HGH1: variants seen among roughly 807,000 people sequenced by gnomAD.
The protein encoded by HGH1 is HGH1 cochaperone.
A neutral mutation model predicts 31.7 loss-of-function variants in HGH1; 31 were observed. The observed-to-expected ratio is 0.98, with a 90% CI of 0.73 to 1.32. The LOEUF (loss-of-function observed/expected upper bound fraction) is 1.32, where lower values mean the gene tolerates loss of function less well. HGH1 is among the 40% of genes most tolerant of loss of function. The probability of loss-of-function intolerance (pLI) is 0.00; values close to 1 mark genes in which losing one functional copy is unlikely to be tolerated. For missense variants in HGH1, 618 were observed against 594.4 expected (o/e 1.04, Z -0.41); for synonymous variants, 284 against 293.6 (o/e 0.97, Z 0.34).
Position 144,138,019 on chromosome 8 carries a change from G to T in HGH1, c.184G>T (p.Ala62Ser). Residue 62 changes from alanine (A) to serine (S), a missense_variant, in exon 1 of 6, where the codon GCG becomes TCG. Transcript: ENST00000347708. ...GPGRALLAGQAALLQALMELA... is the reference protein window; with the variant it reads ...GPGRALLAGQSALLQALMELA... ...CGGCCGCGCGCTGTTGGCGGGGCAG[G>T]CGGCGCTGCTGCAGGCGCTGATGGA... 1 of 1,306,990 alleles carries T rather than the reference G, an allele frequency of 7.7e-7. No homozygotes were observed. Among genetic ancestry groups the T allele is most frequent in the African/African-American group, 1.6e-5 (1 of 64,168 alleles). 81.0% of individuals were successfully genotyped at this position (1,306,990 alleles called of 1,614,324 possible).
rs1815114901 is a variant in HGH1, at chr8:144,137,848, G to A, written c.13G>A (p.Gly5Arg). Residue 5 changes from glycine to arginine, a missense_variant, in exon 1 of 6, where the codon GGG (glycine) becomes AGG (arginine). Gly to Arg is a moderately radical substitution (Grantham distance 125). Transcript: ENST00000347708. ...AGTGTCGCTCGACATGGGGGAGGCC[G>A]GGGCTGGCGCTGGCGCCTCGGGAGG... is the stretch of plus-strand genomic sequence containing the variant. Reference protein sequence around the residue: MGEAGAGAGASGGPE... With the variant: MGEARAGAGASGGPE... 2 of 1,289,694 alleles carry A rather than the reference G, an allele frequency of 1.6e-6. No homozygotes were observed. The highest frequency in any genetic ancestry group is 2.0e-6 in the Non-Finnish European group (2 of 1,020,596). The allele number at this position is 1,289,694 out of a possible 1,614,324, so 79.9% of individuals were successfully genotyped here. A position where few individuals can be genotyped will look rare whatever the true frequency, so the allele number is the denominator to read the frequency against.
chr8:144,137,868 G>T lies in HGH1; in HGVS notation c.33G>T (p.Ser11=). ...AGGCCGGGGCTGGCGCTGGCGCCTCGGGAGGGCCGGAGGCAAGCCCGGAGG... is the reference window on the plus strand; with the variant it reads ...AGGCCGGGGCTGGCGCTGGCGCCTCTGGAGGGCCGGAGGCAAGCCCGGAGG... MGEAGAGAGA[S]GGPEASPEAE... is the part of the protein sequence containing the mutation. Residue 11 remains serine (S), a synonymous_variant, in exon 1 of 6, where the codon TCG becomes TCT. Transcript: ENST00000347708. 1 of 1,296,716 alleles carries T rather than the reference G, an allele frequency of 7.7e-7. No homozygotes were observed. Among genetic ancestry groups the T allele is most frequent in the Non-Finnish European group, 9.8e-7 (1 of 1,025,148 alleles). The allele number at this position is 1,296,716 out of a possible 1,614,324, so 80.3% of individuals were successfully genotyped here. A position where few individuals can be genotyped will look rare whatever the true frequency, so the allele number is the denominator to read the frequency against.
In HGH1 at chr8:144,139,732, T is replaced by C; in HGVS notation, c.*180T>C. ...GGAGGCACTTTCCAGCCCTGTGCAG[T>C]GTTGCTACCAGCAAGAATGAAGGTT... On this transcript the variant is annotated 3_prime_UTR_variant, in exon 6 of 6. Coordinates refer to ENST00000347708, the MANE Select transcript of HGH1 (RefSeq NM_016458.4). 1.2e-6 allele frequency: 1 copy of C among 867,264 alleles called. No individual in the cohort carries two copies. Among genetic ancestry groups the C allele is most frequent in the Non-Finnish European group, 1.7e-6 (1 of 577,802 alleles). 53.7% of individuals were successfully genotyped at this position (867,264 alleles called of 1,614,324 possible).
At position 144,139,250 on chromosome 8, in the gene HGH1, G is replaced by A. The variant is rs946430620; in HGVS notation, c.947G>A (p.Arg316Gln). Residue 316 changes from arginine (R) to glutamine (Q), a missense_variant, in exon 5 of 6, where the codon CGA becomes CAA. Physicochemically the swap from Arg to Gln is conservative, Grantham distance 43. Coordinates refer to ENST00000347708, the MANE Select transcript of HGH1 (RefSeq NM_016458.4). ...GACCAGGGAGCCTACCTGATCCTTC[G>A]AGAGCTGCACAGCTGGGAGCCGGAG... Reference protein sequence around the residue: ...VRDQGAYLILRELHSWEPEPD... With the variant: ...VRDQGAYLILQELHSWEPEPD... The A allele has an allele frequency of 2.4e-5, 39 of 1,613,810 alleles. No individual in the cohort carries two copies. Among genetic ancestry groups the A allele is most frequent in the Middle Eastern group, 3.3e-4 (2 of 6,078 alleles).
chr8:144,139,003 C>T lies in HGH1; in HGVS notation c.794-6C>T, dbSNP rs1815144442. On this transcript the variant is annotated splice_polypyrimidine_tract_variant and splice_region_variant and intron_variant, in intron 3 of 5. Coordinates refer to ENST00000347708, the MANE Select transcript of HGH1 (RefSeq NM_016458.4). ...GACACAGTGGCTCCCACACACTCAC[C>T]CCTAGGGCTGCCTGTCGACTTGCAG... The T allele has an allele frequency of 2.5e-6, 4 of 1,613,108 alleles. No individual in the cohort carries two copies. Among genetic ancestry groups the T allele is most frequent in the South Asian group, 2.2e-5 (2 of 90,986 alleles).
At position 144,138,615 on chromosome 8, in the gene HGH1, G is replaced by A; in HGVS notation, c.694+8G>A. On this transcript the variant is annotated splice_region_variant and intron_variant, in intron 2 of 5. Coordinates refer to ENST00000347708, the MANE Select transcript of HGH1 (RefSeq NM_016458.4). ...ATTGCTGCTTCGAGCACCGTGAGTG[G>A]TGGGTGTGGCGGGGGTGCGTTGCCA... 1.2e-6 allele frequency: 2 copies of A among 1,611,882 alleles called. No individual in the cohort carries two copies. The highest frequency in any genetic ancestry group is 1.7e-6 in the Non-Finnish European group (2 of 1,179,042).
chr8:144,138,135 G>T lies in HGH1; in HGVS notation c.300G>T (p.Ala100=). 1 of 1,308,812 alleles carries T rather than the reference G, an allele frequency of 7.6e-7. No homozygotes were observed. The highest frequency in any genetic ancestry group is 9.7e-7 in the Non-Finnish European group (1 of 1,029,818). 81.1% of individuals were successfully genotyped at this position (1,308,812 alleles called of 1,614,324 possible). A position where few individuals can be genotyped will look rare whatever the true frequency, so the allele number is the denominator to read the frequency against. The change falls in exon 1 of 6, where the codon GCG becomes GCT. Residue 100 remains alanine (A), a synonymous_variant. Transcript: ENST00000347708. ...ADPGLHETLL[A]ADPGLPARLM... is the part of the protein sequence containing the mutation. ...CCGGCCTGCACGAGACATTGCTGGC[G>T]GCCGACCCCGGGCTGCCAGCGCGCC...
Position 144,138,500 on chromosome 8 carries a change from C to A in HGH1, c.594-7C>A. ...GGGGGACGGCCCTAAGTGACACCTC[C>A]CAACAGGTGCGTGGTCCAGCGGCTG... On this transcript the variant is annotated splice_region_variant and splice_polypyrimidine_tract_variant and intron_variant, in intron 1 of 5. Transcript: ENST00000347708. The A allele has an allele frequency of 1.2e-6, 2 of 1,608,188 alleles. No individual in the cohort carries two copies. Among genetic ancestry groups the A allele is most frequent in the South Asian group, 1.1e-5 (1 of 90,252 alleles).
Position 144,139,892 on chromosome 8 carries a change from G to C in HGH1, c.*340G>C. The C allele has an allele frequency of 2.2e-6, 1 of 455,516 alleles. No individual in the cohort carries two copies. The highest frequency in any genetic ancestry group is 4.0e-6 in the Non-Finnish European group (1 of 249,416). 28.2% of individuals were successfully genotyped at this position (455,516 alleles called of 1,614,324 possible). On this transcript the variant is annotated 3_prime_UTR_variant, in exon 6 of 6. Coordinates refer to ENST00000347708, the MANE Select transcript of HGH1 (RefSeq NM_016458.4). ...CGTGGGGACTGGACAGAAAACCACT[G>C]CAAGCCCCAAGGAGCCAGCTGAAGC...
rs1261170152 is a variant in HGH1 at position 144,139,492 on chromosome 8, G to A, written c.1113G>A (p.Gln371=). ...QQLQQLDCRE[Q]EQLERELAPE... is the part of the protein sequence containing the mutation. ...TGCAGCAGCTGGATTGCAGGGAGCAGGAGCAGTTGGAGCGGGAGCTGGCCC... is the reference window on the plus strand; with the variant it reads ...TGCAGCAGCTGGATTGCAGGGAGCAAGAGCAGTTGGAGCGGGAGCTGGCCC... Residue 371 remains glutamine, a synonymous_variant, in exon 6 of 6, where the codon CAG becomes CAA. Coordinates refer to ENST00000347708, the MANE Select transcript of HGH1 (RefSeq NM_016458.4). 1 of 1,568,576 alleles carries A rather than the reference G, an allele frequency of 6.4e-7. No individual in the cohort carries two copies. The highest frequency in any genetic ancestry group is 8.6e-7 in the Non-Finnish European group (1 of 1,156,904).
rs1383473735 is a variant in HGH1, at chr8:144,139,537, G to A, written c.1158G>A (p.Arg386=). 1.3e-6 allele frequency: 2 copies of A among 1,554,412 alleles called. No individual in the cohort carries two copies. The highest frequency in any genetic ancestry group is 2.7e-5 in the African/African-American group (2 of 73,402). ...RELAPEPWVE[R]ATPT is the part of the protein sequence containing the mutation. ...TGGCCCCAGAGCCATGGGTGGAGAG[G>A]GCCACACCCACCTGAGGCCCCTGCA... is the stretch of plus-strand genomic sequence containing the variant. Residue 386 remains arginine, a synonymous_variant, in exon 6 of 6, where the codon AGG becomes AGA. Transcript: ENST00000347708.
chr8:144,140,684 C>T lies in HGH1; in HGVS notation c.*1132C>T, dbSNP rs1179974254. The stretch of plus-strand genomic sequence containing the variant: ...GGGCGTCTCCCGCCTCCAGGATCTC[C>T]TCTCACCTGCCCCCATTAAAGCTCT... On this transcript the variant is annotated 3_prime_UTR_variant, in exon 6 of 6. Transcript: ENST00000347708. The T allele has an allele frequency of 6.6e-6, 1 of 152,512 alleles. No individual in the cohort carries two copies. The highest frequency in any genetic ancestry group is 1.5e-5 in the Non-Finnish European group (1 of 68,300). 9.4% of individuals were successfully genotyped at this position (152,512 alleles called of 1,614,324 possible).
chr8:144,138,804 G>T lies in HGH1; in HGVS notation c.784G>T (p.Glu262Ter). ...LAGPEDFSEE[E>*]MERLPVDLQY... ...TGGGCCTGAGGATTTCTCCGAGGAA[G>T]AGATGGAACGTGAGTGGCTAGTGTG... The change falls in exon 3 of 6, where the codon GAG (glutamate) becomes TAG (stop). Residue 262 changes from glutamate to a stop codon, truncating the protein, a stop_gained. Transcript: ENST00000347708. LOFTEE classifies it high-confidence loss of function. The T allele has an allele frequency of 6.2e-7, 1 of 1,613,984 alleles. No homozygotes were observed. Among genetic ancestry groups the T allele is most frequent in the East Asian group, 2.2e-5 (1 of 44,866 alleles).
chr8:144,138,050 C>CCGCGGCGTCGGCGTAAGGGCAGGAAG lies in HGH1; in HGVS notation c.215_216insCGCGGCGTCGGCGTAAGGGCAGGAAG (p.Pro73AlafsTer5). On this transcript the variant is annotated stop_gained and frameshift_variant, in exon 1 of 6. Transcript: ENST00000347708. LOFTEE classifies it high-confidence loss of function. The stretch of plus-strand genomic sequence containing the variant: ...CTGCTGCAGGCGCTGATGGAGCTGG[C>CCGCGGCGTCGGCGTAAGGGCAGGAAG]GCCGGCCTCTGCCCCGGCCCGGGAC... 1 of 1,309,530 alleles carries CCGCGGCGTCGGCGTAAGGGCAGGAAG rather than the reference C, an allele frequency of 7.6e-7. No homozygotes were observed. Among genetic ancestry groups the CCGCGGCGTCGGCGTAAGGGCAGGAAG allele is most frequent in the Admixed American group, 3.5e-5 (1 of 28,846 alleles). The allele number at this position is 1,309,530 out of a possible 1,614,324, so 81.1% of individuals were successfully genotyped here.
chr8:144,137,799 C>G lies in HGH1; in HGVS notation c.-37C>G. The G allele has an allele frequency of 8.1e-7, 1 of 1,234,912 alleles. No individual in the cohort carries two copies. The highest frequency in any genetic ancestry group is 1.0e-6 in the Non-Finnish European group (1 of 986,842). 76.5% of individuals were successfully genotyped at this position (1,234,912 alleles called of 1,614,324 possible). On this transcript the variant is annotated 5_prime_UTR_variant, in exon 1 of 6. Transcript: ENST00000347708. ...ACACAGCGGACCCCTAAGCGGACCGCTGGCACCGGTCGGGTGGCAGCAGAG... is the reference window on the plus strand; with the variant it reads ...ACACAGCGGACCCCTAAGCGGACCGGTGGCACCGGTCGGGTGGCAGCAGAG...
chr8:144,138,137 C>A lies in HGH1; in HGVS notation c.302C>A (p.Ala101Asp). The change falls in exon 1 of 6, where the codon GCC (alanine) becomes GAC (aspartate). Residue 101 changes from alanine (A) to aspartate (D), a missense_variant. Coordinates refer to ENST00000347708, the MANE Select transcript of HGH1 (RefSeq NM_016458.4). ...GGCCTGCACGAGACATTGCTGGCGGCCGACCCCGGGCTGCCAGCGCGCCTG... is the reference window on the plus strand; with the variant it reads ...GGCCTGCACGAGACATTGCTGGCGGACGACCCCGGGCTGCCAGCGCGCCTG... ...DPGLHETLLA[A>D]DPGLPARLMG... is the part of the protein sequence containing the mutation. 7.6e-7 allele frequency: 1 copy of A among 1,309,562 alleles called. No individual in the cohort carries two copies. The highest frequency in any genetic ancestry group is 9.7e-7 in the Non-Finnish European group (1 of 1,030,206). 81.1% of individuals were successfully genotyped at this position (1,309,562 alleles called of 1,614,324 possible).
Position 144,139,097 on chromosome 8 carries a change from G to A in HGH1, c.882G>A (p.Met294Ile). 6 of 1,614,010 alleles carry A rather than the reference G, an allele frequency of 3.7e-6. No homozygotes were observed. The highest frequency in any genetic ancestry group is 1.3e-5 in the African/African-American group (1 of 75,056). ...DIRKMLVEAI[M>I]LLTATAPGRQ... ...GCAAGATGCTTGTTGAAGCCATCAT[G>A]CTGGTGAGCAGGAGCCCTGCTGCAA... The change falls in exon 4 of 6, where the codon ATG becomes ATA. Residue 294 changes from methionine (M) to isoleucine (I), a missense_variant. Physicochemically the swap from Met to Ile is conservative, Grantham distance 10. Transcript: ENST00000347708.
In HGH1 at chr8:144,140,338, G is replaced by A. The variant is rs1466395449; in HGVS notation, c.*786G>A. On this transcript the variant is annotated 3_prime_UTR_variant, in exon 6 of 6. Transcript: ENST00000347708. ...CCAGCCACCCTCTGCCCCTGTGGTA[G>A]AGCCCACTATAGGCCCAGGCGCCTT... 3 of 153,520 alleles carry A rather than the reference G, an allele frequency of 2.0e-5. No homozygotes were observed. Among genetic ancestry groups the A allele is most frequent in the Admixed American group, 6.5e-5 (1 of 15,390 alleles). 9.5% of individuals were successfully genotyped at this position (153,520 alleles called of 1,614,324 possible).
Position 144,138,360 on chromosome 8 carries a change from C to T in HGH1, c.525C>T (p.Tyr175=), listed in dbSNP as rs1815126560. 1 of 1,573,420 alleles carries T rather than the reference C, an allele frequency of 6.4e-7. No individual in the cohort carries two copies. The highest frequency in any genetic ancestry group is 8.6e-7 in the Non-Finnish European group (1 of 1,169,310). Residue 175 remains tyrosine (Y), a synonymous_variant, in exon 1 of 6, where the codon TAC becomes TAT. Transcript: ENST00000347708. ...ACAACGCCCGCGCGCCCCTGCACTA[C>T]CTAGCGCCGCTGCTCTCCAACCTCA... ...PGYNARAPLH[Y]LAPLLSNLSQ...
Sources: allele counts gnomAD v4.1 joint callset, GRCh38; gene constraint gnomAD v4.1.1; transcripts MANE v1.5; gene names NCBI Gene and HGNC (gene_info 2026-07-23, HGNC 2026-07-21).